DNAH11: variants seen among roughly 807,000 people sequenced by gnomAD.
DNAH11 encodes the protein axonemal beta dynein heavy chain 11.
In DNAH11, 442 loss-of-function variants were observed where a neutral mutation model predicts 526.0. The ratio of observed to expected loss-of-function variants is 0.84; its 90% CI spans 0.78 to 0.91. The LOEUF (loss-of-function observed/expected upper bound fraction) is 0.91. Ranked by LOEUF, DNAH11 falls within the 40% of genes least tolerant of loss-of-function variation. DNAH11 has a pLI of 0.00. For synonymous variants in DNAH11, 2,461 were observed against 1,935.9 expected, an observed-to-expected ratio of 1.27 and a Z score of -7.12; for missense variants, 6,989 against 5,448.7, an observed-to-expected ratio of 1.28 and a Z score of -8.90.
At chr7:21,544,448 TAA>T (rs1001731337) in intron 1 of DNAH11, among the ~76,000 whole-genome samples, 13 of 152,072 alleles carry the variant, frequency 8.5e-5, no homozygotes, top group African/African-American at 3.1e-4. Flanking sequence ...TTAAAAAAAA[TAA>T]GTTTGTCAGT....
chr7:21,873,382 C>G lies in DNAH11; in HGVS notation c.12076C>G (p.Pro4026Ala), dbSNP rs1783573422. The G allele has an allele frequency of 1.9e-6, 3 of 1,613,884 alleles. No individual in the cohort carries two copies. The highest frequency in any genetic ancestry group is 2.5e-6 in the Non-Finnish European group (3 of 1,179,858). ...YRVFMSAESA[P>A]TPDEHIIPQG... ...GGTTTTCATGAGTGCTGAGTCTGCA[C>G]CTACACCAGATGAGCATATCATCCC... is the stretch of plus-strand genomic sequence containing the variant. The change falls in exon 74 of 82, where the codon CCT becomes GCT. Residue 4026 changes from proline (P) to alanine (A), a missense_variant. Transcript: ENST00000409508.
intron 49 of DNAH11, 109 bp from the exon 50 acceptor site, chr7:21,744,329 T>G: frequency 2.5e-6 from 3 of 1,196,860 alleles, no homozygotes; most frequent in Non-Finnish European, 3.6e-6. Flanking sequence ...TTGATGATAT[T>G]TCTTTTAACC....
At chr7:21,714,997 G>T (rs900838953) in intron 42 of DNAH11, among the ~76,000 whole-genome samples, 2 of 152,118 alleles carry the variant, frequency 1.3e-5, no homozygotes, top group Admixed American at 6.6e-5. Flanking sequence ...TGTATCAAAT[G>T]ACCTTATTGT....
chr7:21,778,056 G>T (rs1370912160), intron 56 of DNAH11, among the ~76,000 whole-genome samples: 4 of 152,124 alleles, frequency 2.6e-5, no homozygotes, highest in African/African-American at 9.7e-5. Context: ...GTGTAAAGCT[G>T]CTTTCAGATA....
intron 30 of DNAH11, among the ~76,000 whole-genome samples, chr7:21,665,764 C>G (rs186830833): frequency 6.6e-6 from 1 of 152,176 alleles, no homozygotes; most frequent in East Asian, 1.9e-4. Context: ...ACACTTCTAG[C>G]ATGAATTGAA....
intron 50 of DNAH11, 26 bp from the exon 51 acceptor site, chr7:21,744,844 A>G (rs375937707): frequency 1.0e-5 from 16 of 1,588,334 alleles, no homozygotes; most frequent in Middle Eastern, 1.7e-4. Flanking sequence ...TTGACATGCC[A>G]TATTTTTCTC....
In DNAH11 at chr7:21,612,574, A is replaced by G. The variant is rs1785576413; in HGVS notation, c.3853-2540A>G. ...CGTCTCAAAAAAAAAAAAAAAAAAA[A>G]AAGAGACTAAGAAGCCCTGATGGCT... On this transcript the variant is annotated intron_variant, in intron 20 of 81. Coordinates refer to ENST00000409508, the MANE Select transcript of DNAH11 (RefSeq NM_001277115.2). Among the ~76,000 whole-genome samples the G allele has an allele frequency of 2.0e-5, 3 of 147,562 alleles. No homozygotes were observed. The Admixed American group carries it at 2.0e-4, about 10-fold the overall frequency.
chr7:21,828,271 C>CT (rs1790393284), intron 65 of DNAH11, among the ~76,000 whole-genome samples: 1 of 152,094 alleles, frequency 6.6e-6, no homozygotes, highest in Admixed American at 6.6e-5. Flanking sequence ...TTTAAATAAA[C>CT]TCTAGAGTTA....
intron 40 of DNAH11, among the ~76,000 whole-genome samples, chr7:21,709,536 C>A (rs918178277): frequency 6.6e-6 from 1 of 152,014 alleles, no homozygotes; most frequent in African/African-American, 2.4e-5. Context: ...CACAGTATAC[C>A]CATGCAACAA....
chr7:21,889,221 A>G (rs1784243079), intron 76 of DNAH11, among the ~76,000 whole-genome samples: 1 of 152,240 alleles, frequency 6.6e-6, no homozygotes, highest in Non-Finnish European at 1.5e-5. Context: ...TGTAGCATAT[A>G]TCAGTACTCA....
At chr7:21,867,732 CA>C (rs1342742756) in intron 71 of DNAH11, 126 bp from the exon 72 acceptor site, 1 of 780,696 alleles carries the variant, frequency 1.3e-6, no homozygotes, top group Non-Finnish European at 2.1e-6. Flanking sequence ...GTTATTCTAA[CA>C]AGACATCCCA....
chr7:21,626,851 T>C (rs6964219), intron 25 of DNAH11, among the ~76,000 whole-genome samples: 66,907 of 148,988 alleles, frequency 0.45, 15,385 homozygotes, highest in East Asian at 0.61. Context: ...TCCAGGTTCA[T>C]GCCATTCTTC....
Position 21,600,634 on chromosome 7 carries a change from G to A in DNAH11, c.3001-42G>A, listed in dbSNP as rs757291700. 1.2e-5 allele frequency: 18 copies of A among 1,531,188 alleles called. No homozygotes were observed. The East Asian group carries it at 4.1e-4, about 35-fold the overall frequency. 94.9% of individuals were successfully genotyped at this position (1,531,188 alleles called of 1,614,324 possible). A position where few individuals can be genotyped will look rare whatever the true frequency, so the allele number is the denominator to read the frequency against. The stretch of plus-strand genomic sequence containing the variant: ...ATGTTGTAGATAATTGGTAAAGTAA[G>A]GTTGGTTTGAATAGTAAGTGCTGTG... On this transcript the variant is annotated intron_variant, in intron 15 of 81. Coordinates refer to ENST00000409508, the MANE Select transcript of DNAH11 (RefSeq NM_001277115.2).
At chr7:21,852,713 G>C in intron 67 of DNAH11, 82 bp downstream of exon 67, 1 of 1,422,580 alleles carries the variant, frequency 7.0e-7, no homozygotes, top group Non-Finnish European at 9.3e-7. Flanking sequence ...GATCAGACTT[G>C]GTAATTCCTC....
chr7:21,557,298 C>G (rs1365153255), intron 2 of DNAH11, among the ~76,000 whole-genome samples: 2 of 152,104 alleles, frequency 1.3e-5, no homozygotes, highest in Admixed American at 1.3e-4. Flanking sequence ...TATCAGTGTT[C>G]TAATTTCTGG....
chr7:21,645,072 A>G (rs925654852), intron 28 of DNAH11, among the ~76,000 whole-genome samples: 2 of 152,250 alleles, frequency 1.3e-5, no homozygotes, highest in Admixed American at 1.3e-4. Flanking sequence ...AAGTTGTACA[A>G]CAACATTAAG....
At chr7:21,853,659 TAAAAG>T (rs1782724817) in intron 67 of DNAH11, among the ~76,000 whole-genome samples, 1 of 152,202 alleles carries the variant, frequency 6.6e-6, no homozygotes, top group East Asian at 1.9e-4. Context: ...TAGTCCTAGA[TAAAAG>T]AAATAGATAT....
intron 45 of DNAH11, among the ~76,000 whole-genome samples, chr7:21,734,640 C>G (rs1356605587): frequency 3.9e-5 from 6 of 152,066 alleles, no homozygotes. Context: ...GTGATCACTT[C>G]AGCCCAGGAG....
intron 30 of DNAH11, among the ~76,000 whole-genome samples, chr7:21,671,623 T>A (rs1377948100): frequency 6.6e-6 from 1 of 152,170 alleles, no homozygotes; most frequent in Non-Finnish European, 1.5e-5. Flanking sequence ...ACGTTATTGG[T>A]TTTCTCTATA....
Sources: allele counts gnomAD v4.1 joint callset (sites outside exome capture counted in the v4.1 genomes callset), GRCh38; gene constraint gnomAD v4.1.1; transcripts MANE v1.5; gene names NCBI Gene and HGNC (gene_info 2026-07-23, HGNC 2026-07-21).